Variants in COL7A1 observed in about 807,000 individuals in gnomAD.
COL7A1 encodes the protein collagen alpha-1(VII) chain.
A neutral mutation model predicts 456.2 loss-of-function variants in COL7A1; 296 were observed. The ratio of observed to expected loss-of-function variants is 0.65; its 90% CI spans 0.59 to 0.71. The LOEUF (loss-of-function observed/expected upper bound fraction) is 0.71, where lower values mean the gene tolerates loss of function less well. COL7A1 is among the 30% of genes least tolerant of loss of function. The pLI, the probability that COL7A1 is intolerant of heterozygous loss-of-function variation, is 0.00. For synonymous variants in COL7A1, 1,464 were observed against 1,525.9 expected (o/e 0.96, Z 0.95); for missense variants, 3,441 against 4,017.2 (o/e 0.86, Z 3.88).
At position 48,587,349 on chromosome 3, in the gene COL7A1, G is replaced by C. The variant is rs371738291; in HGVS notation, c.2993-13C>G. 796 of 1,609,982 alleles carry C rather than the reference G, an allele frequency of 4.9e-4. No homozygotes were observed. The highest frequency in any genetic ancestry group is 6.1e-4 in the Non-Finnish European group (723 of 1,178,432). The stretch of plus-strand genomic sequence containing the variant: ...GACCCAGGCACTTCTGCAGGAGACA[G>C]AACTTGATTAAAAAGCTGTCTCCAC... On this transcript the variant is annotated splice_polypyrimidine_tract_variant and intron_variant, in intron 23 of 118. Transcript: ENST00000681320. The surrounding 1 kb of genome is among the most constrained non-coding windows in gnomAD (Gnocchi z 6.1).
chr3:48,580,141 C>T lies in COL7A1; in HGVS notation c.5098-84G>A. 1.9e-6 allele frequency: 3 copies of T among 1,578,238 alleles called. No individual in the cohort carries two copies. Among genetic ancestry groups the T allele is most frequent in the Non-Finnish European group, 2.6e-6 (3 of 1,153,766 alleles). ...GTTTGCCCCAGGCTCAACTCTGCCC[C>T]CAAGTTCCCCGAAGCACCCCAATGC... On this transcript the variant is annotated intron_variant, in intron 56 of 118. Coordinates refer to ENST00000681320, the MANE Select transcript of COL7A1 (RefSeq NM_000094.4). The surrounding 1 kb of genome is among the most constrained non-coding windows in gnomAD (Gnocchi z 4.5).
In COL7A1 at chr3:48,588,481, C is replaced by G; in HGVS notation, c.2588-77G>C. On this transcript the variant is annotated intron_variant, in intron 20 of 118. Transcript: ENST00000681320. The surrounding 1 kb of genome is among the most constrained non-coding windows in gnomAD (Gnocchi z 4.6). ...CCAATCCCAGGCCCACCCTGGCACA[C>G]GCACCCCGCCCAGCCTCTCAGACCC... 1 of 1,593,116 alleles carries G rather than the reference C, an allele frequency of 6.3e-7. No individual in the cohort carries two copies.
chr3:48,575,566 G>A lies in COL7A1; in HGVS notation c.5980-27C>T. 4 of 1,612,510 alleles carry A rather than the reference G, an allele frequency of 2.5e-6. No homozygotes were observed. The highest frequency in any genetic ancestry group is 3.4e-6 in the Non-Finnish European group (4 of 1,179,990). ...TGCAGGAGTGGAAGAGAGAATGCTG[G>A]TGGCTGTACAGCTACACCCCACTCC... On this transcript the variant is annotated intron_variant, in intron 73 of 118. Transcript: ENST00000681320. The surrounding 1 kb of genome is among the most constrained non-coding windows in gnomAD (Gnocchi z 6.3).
rs569344764 is a variant in COL7A1, at chr3:48,588,489, G to A, written c.2588-85C>T. ...AGGCCCACCCTGGCACACGCACCCC[G>A]CCCAGCCTCTCAGACCCCTCTCCCT... On this transcript the variant is annotated intron_variant, in intron 20 of 118. Coordinates refer to ENST00000681320, the MANE Select transcript of COL7A1 (RefSeq NM_000094.4). This position sits in a 1 kb window ranked among gnomAD's most constrained non-coding sequence, Gnocchi z 4.6. The A allele has an allele frequency of 2.1e-5, 34 of 1,592,496 alleles. No homozygotes were observed. The Admixed American group carries it at 2.7e-4, about 13-fold the overall frequency.
Position 48,574,550 on chromosome 3 carries a change from C to T in COL7A1, c.6394G>A (p.Gly2132Ser). Reference protein sequence around the residue: ...NGDQGPKGDRGVPGIKGDRGE... With the variant: ...NGDQGPKGDRSVPGIKGDRGE... ...CGGTCTCCTTTGATGCCTGGCACAC[C>T]CTGAAGGCAGAGTGTCGTGCCCTGA... The change falls in exon 79 of 119, where the codon GGT becomes AGT. Residue 2132 changes from glycine to serine, a missense_variant and splice_region_variant. Gly to Ser is a moderately conservative substitution (Grantham distance 56). Transcript: ENST00000681320. This position sits in a 1 kb window ranked among gnomAD's most constrained non-coding sequence, Gnocchi z 5.0. 6.2e-7 allele frequency: 1 copy of T among 1,613,954 alleles called. No homozygotes were observed. Among genetic ancestry groups the T allele is most frequent in the Non-Finnish European group, 8.5e-7 (1 of 1,180,026 alleles).
rs1378222391 is a variant in COL7A1, at chr3:48,585,570, G to A, written c.3881C>T (p.Ala1294Val). The A allele has an allele frequency of 1.2e-6, 2 of 1,613,792 alleles. No homozygotes were observed. Among genetic ancestry groups the A allele is most frequent in the African/African-American group, 1.3e-5 (1 of 74,928 alleles). ...CTCCACACTCACCCTCTCGCCCTTG[G>A]CAGTGGCACTTCCAGGGGGCCCCTG... ...GPQGPPGSATAKGERGFPGAD... is the reference protein window; with the variant it reads ...GPQGPPGSATVKGERGFPGAD... Residue 1294 changes from alanine to valine, a missense_variant, in exon 32 of 119, where the codon GCC becomes GTC. Ala to Val is a moderately conservative substitution (Grantham distance 64). Transcript: ENST00000681320. This position sits in a 1 kb window ranked among gnomAD's most constrained non-coding sequence, Gnocchi z 4.5.
In COL7A1 at chr3:48,575,425, G is replaced by A. The variant is rs778250514; in HGVS notation, c.6094C>T (p.Leu2032Phe). 1 of 1,610,066 alleles carries A rather than the reference G, an allele frequency of 6.2e-7. No individual in the cohort carries two copies. Among genetic ancestry groups the A allele is most frequent in the Non-Finnish European group, 8.5e-7 (1 of 1,178,914 alleles). ...GERGPPGPSG[L>F]AGEPGKPGIP... ...CCAGGCTTTCCAGGCTCCCCGGCAA[G>A]GCCGGAAGGCCCGGGGGGGCCCCTC... Residue 2032 changes from leucine to phenylalanine, a missense_variant, in exon 74 of 119, where the codon CTT (leucine) becomes TTT (phenylalanine). Transcript: ENST00000681320. The surrounding 1 kb of genome is among the most constrained non-coding windows in gnomAD (Gnocchi z 6.3).
In COL7A1 at chr3:48,585,132, G is replaced by A; in HGVS notation, c.3895-16C>T. On this transcript the variant is annotated splice_polypyrimidine_tract_variant and intron_variant, in intron 32 of 118. Transcript: ENST00000681320. The surrounding 1 kb of genome is among the most constrained non-coding windows in gnomAD (Gnocchi z 4.5). ...CAGGGAAGCCCTGAGGAGGTGAAGAGGTCAGGACAGGAAGGGACCCTCCCC... is the reference window on the plus strand; with the variant it reads ...CAGGGAAGCCCTGAGGAGGTGAAGAAGTCAGGACAGGAAGGGACCCTCCCC... 2 of 1,609,868 alleles carry A rather than the reference G, an allele frequency of 1.2e-6. No individual in the cohort carries two copies. Among genetic ancestry groups the A allele is most frequent in the Non-Finnish European group, 1.7e-6 (2 of 1,179,490 alleles).
At chr3:48,584,975 C>G in intron 33 of COL7A1, 30 bp from the exon 34 acceptor site, 1 of 1,613,664 alleles carries the variant, frequency 6.2e-7, no homozygotes, top group Non-Finnish European at 8.5e-7. Flanking sequence ...GCAGAACAGT[C>G]GGAGCCACCC....
rs772410899 is a variant in COL7A1 at position 48,569,430 on chromosome 3, C to T, written c.7631G>A (p.Arg2544Gln). Residue 2544 changes from arginine (R) to glutamine (Q), a missense_variant, in exon 103 of 119, where the codon CGG becomes CAG. Physicochemically the swap from Arg to Gln is conservative, Grantham distance 43. This residue lies in a region of COL7A1 where 2,084 missense variants were observed against 2,501.3 expected (regional missense o/e 0.83). Transcript: ENST00000681320. This position sits in a 1 kb window ranked among gnomAD's most constrained non-coding sequence, Gnocchi z 4.9. ...AGGTCCTTTGTCACCATCCAAGCCCCGAGGCCCTCGTTCACCCTGGGTTGG... is the reference window on the plus strand; with the variant it reads ...AGGTCCTTTGTCACCATCCAAGCCCTGAGGCCCTCGTTCACCCTGGGTTGG... ...AKGDMGERGP[R>Q]GLDGDKGPRG... 5.6e-6 allele frequency: 9 copies of T among 1,614,016 alleles called. No individual in the cohort carries two copies. The highest frequency in any genetic ancestry group is 5.3e-5 in the African/African-American group (4 of 74,892).
At position 48,569,688 on chromosome 3, in the gene COL7A1, C is replaced by T; in HGVS notation, c.7557+37G>A. 1 of 1,614,120 alleles carries T rather than the reference C, an allele frequency of 6.2e-7. No individual in the cohort carries two copies. The highest frequency in any genetic ancestry group is 8.5e-7 in the Non-Finnish European group (1 of 1,179,996). ...AGGAATCAGAGGAGTCGGGAGCACC[C>T]TGGCCCCTGCCCTGCCCTCCCCATG... On this transcript the variant is annotated intron_variant, in intron 101 of 118. Transcript: ENST00000681320. This position sits in a 1 kb window ranked among gnomAD's most constrained non-coding sequence, Gnocchi z 4.9.
chr3:48,575,604 C>G lies in COL7A1; in HGVS notation c.5979+22G>C. 1 of 1,612,932 alleles carries G rather than the reference C, an allele frequency of 6.2e-7. No individual in the cohort carries two copies. The highest frequency in any genetic ancestry group is 8.5e-7 in the Non-Finnish European group (1 of 1,180,014). On this transcript the variant is annotated intron_variant, in intron 73 of 118. Transcript: ENST00000681320. The surrounding 1 kb of genome is among the most constrained non-coding windows in gnomAD (Gnocchi z 6.3). ...TACACCCCACTCCACGGGGCACAAC[C>G]CACTGAGCCACTTCTGCTCACCTCC...
Position 48,587,867 on chromosome 3 carries a change from G to C in COL7A1, c.2783C>G (p.Thr928Arg), listed in dbSNP as rs766164278. ...SYHLDGLEPA[T>R]QYRVRLSVLG... The stretch of plus-strand genomic sequence containing the variant: ...GACACTCAGCCTCACGCGGTACTGT[G>C]TCGCTGGCTCCAGCCCGTCCAGGTG... The change falls in exon 22 of 119, where the codon ACA becomes AGA. Residue 928 changes from threonine to arginine, a missense_variant. Transcript: ENST00000681320. The surrounding 1 kb of genome is among the most constrained non-coding windows in gnomAD (Gnocchi z 6.1). The C allele has an allele frequency of 2.5e-6, 4 of 1,612,800 alleles. No individual in the cohort carries two copies. The Admixed American group carries it at 5.0e-5, about 20-fold the overall frequency.
chr3:48,567,090 G>A lies in COL7A1; in HGVS notation c.8109+38C>T, dbSNP rs772881674. 1.1e-5 allele frequency: 18 copies of A among 1,612,990 alleles called. No homozygotes were observed. The highest frequency in any genetic ancestry group is 4.5e-5 in the East Asian group (2 of 44,820). ...AGATGGACCCTCTCCCAAAGTGCAC[G>A]CTCCCCTCAATTCACCATGACCATG... On this transcript the variant is annotated intron_variant, in intron 110 of 118. Transcript: ENST00000681320. This position sits in a 1 kb window ranked among gnomAD's most constrained non-coding sequence, Gnocchi z 4.3.
In COL7A1 at chr3:48,572,642, A is replaced by C. The variant is rs1480925516; in HGVS notation, c.6900+29T>G. 1.5e-5 allele frequency: 24 copies of C among 1,591,420 alleles called. No individual in the cohort carries two copies. Among genetic ancestry groups the C allele is most frequent in the Non-Finnish European group, 2.0e-5 (23 of 1,169,030 alleles). ...GTGGGTGAGGCAGAGGAGTTGCTGC[A>C]GGGGGTGGAAGTCAGGGTCAAAGAT... On this transcript the variant is annotated intron_variant, in intron 88 of 118. Transcript: ENST00000681320. This position sits in a 1 kb window ranked among gnomAD's most constrained non-coding sequence, Gnocchi z 4.6.
chr3:48,574,838 G>C lies in COL7A1; in HGVS notation c.6307C>G (p.Leu2103Val). 6.2e-7 allele frequency: 1 copy of C among 1,613,878 alleles called. No individual in the cohort carries two copies. The highest frequency in any genetic ancestry group is 8.5e-7 in the Non-Finnish European group (1 of 1,180,000). The change falls in exon 77 of 119, where the codon CTC becomes GTC. Residue 2103 changes from leucine to valine, a missense_variant. By Grantham distance (32) the Leu-to-Val change is conservative. Coordinates refer to ENST00000681320, the MANE Select transcript of COL7A1 (RefSeq NM_000094.4). This position sits in a 1 kb window ranked among gnomAD's most constrained non-coding sequence, Gnocchi z 5.0. ...CCAGGGGGTCCCTGTTCTCCAGAGA[G>C]TCCAGGACCTGGCTCATCCACAGAC... ...KVSVDEPGPG[L>V]SGEQGPPGLK...
In COL7A1 at chr3:48,583,474, G is replaced by A. The variant is rs753832160; in HGVS notation, c.4402-46C>T. 1 of 1,614,066 alleles carries A rather than the reference G, an allele frequency of 6.2e-7. No individual in the cohort carries two copies. The highest frequency in any genetic ancestry group is 1.1e-5 in the South Asian group (1 of 91,082). ...GGTTCAGAGATTTGGGTTTGGGCATGAGGATGGAGCAGTGGTTGATGATTG... is the reference window on the plus strand; with the variant it reads ...GGTTCAGAGATTTGGGTTTGGGCATAAGGATGGAGCAGTGGTTGATGATTG... On this transcript the variant is annotated intron_variant, in intron 41 of 118. Coordinates refer to ENST00000681320, the MANE Select transcript of COL7A1 (RefSeq NM_000094.4). The surrounding 1 kb of genome is among the most constrained non-coding windows in gnomAD (Gnocchi z 5.1).
In COL7A1 at chr3:48,586,528, T is replaced by C; in HGVS notation, c.3403+35A>G. 6.2e-7 allele frequency: 1 copy of C among 1,613,730 alleles called. No individual in the cohort carries two copies. The highest frequency in any genetic ancestry group is 8.5e-7 in the Non-Finnish European group (1 of 1,180,028). ...CCTGGGGCACCAAGCTCCCAGTGGA[T>C]AGCCCCAGGAGTCCATGCCTGCTGC... On this transcript the variant is annotated intron_variant, in intron 26 of 118. Transcript: ENST00000681320. This position sits in a 1 kb window ranked among gnomAD's most constrained non-coding sequence, Gnocchi z 5.1.
In COL7A1 at chr3:48,579,166, G is replaced by A; in HGVS notation, c.5388+31C>T. On this transcript the variant is annotated intron_variant, in intron 62 of 118. Coordinates refer to ENST00000681320, the MANE Select transcript of COL7A1 (RefSeq NM_000094.4). The surrounding 1 kb of genome is among the most constrained non-coding windows in gnomAD (Gnocchi z 4.4). ...TCCTCATGTGAAGGGGTAGGGGAAGGGGACAACCAGGCAGGACTACCAAGA... is the reference window on the plus strand; with the variant it reads ...TCCTCATGTGAAGGGGTAGGGGAAGAGGACAACCAGGCAGGACTACCAAGA... The A allele has an allele frequency of 1.2e-6, 2 of 1,610,896 alleles. No homozygotes were observed. Among genetic ancestry groups the A allele is most frequent in the Non-Finnish European group, 1.7e-6 (2 of 1,178,866 alleles).
Sources: gnomAD v4.1 joint callset for allele counts on GRCh38, gnomAD v4.1.1 for gene constraint, gnomAD v4.1.1 regional missense constraint, Gnocchi (gnomAD v3.1) non-coding constraint, MANE v1.5 for transcripts, NCBI Gene and HGNC (gene_info 2026-07-23, HGNC 2026-07-21) for gene names.